Variants in LTBP1 observed in about 807,000 individuals in gnomAD.
LTBP1 encodes latent transforming growth factor beta binding protein 1.
A neutral mutation model predicts 207.6 loss-of-function variants in LTBP1; 129 were observed. That is an observed-to-expected ratio of 0.62 (90% confidence interval 0.54 to 0.72). The LOEUF is 0.72. Among genes scored for constraint, LTBP1 ranks in the 30% least tolerant of loss-of-function variants. LTBP1 has a pLI of 0.00. For synonymous variants in LTBP1, 963 were observed against 833.7 expected, an observed-to-expected ratio of 1.16 and a Z score of -2.67; for missense variants, 2,281 against 2,217.2, an observed-to-expected ratio of 1.03 and a Z score of -0.58.
chr2:33,273,716 C>T lies in LTBP1; in HGVS notation c.2678C>T (p.Pro893Leu). The T allele has an allele frequency of 6.2e-7, 1 of 1,611,852 alleles. No individual in the cohort carries two copies. The highest frequency in any genetic ancestry group is 8.5e-7 in the Non-Finnish European group (1 of 1,178,520). ...ICGAGHCINL[P>L]VRYTCICYEG... ...GGAGCAGGACACTGCATTAACCTAC[C>T]AGTGAGATATACCTGTATATGCTAC... The change falls in exon 16 of 34, where the codon CCA (proline) becomes CTA (leucine). Residue 893 changes from proline to leucine, a missense_variant. By Grantham distance (98) the Pro-to-Leu change is moderately conservative. Transcript: ENST00000404816.
At chr2:33,078,631 G>T (rs915986797) in intron 3 of LTBP1, among the ~76,000 whole-genome samples, 2 of 152,030 alleles carry the variant, frequency 1.3e-5, no homozygotes, top group African/African-American at 4.8e-5. Context: ...TATAATCCAG[G>T]CAGATTTTAT....
intron 12 of LTBP1, 98 bp from the exon 13 acceptor site, chr2:33,259,490 G>C (rs949373341): frequency 1.2e-6 from 1 of 827,874 alleles, no homozygotes; most frequent in African/African-American, 1.7e-5. Flanking sequence ...TAATCCTTTT[G>C]CAGAGATAAT....
intron 15 of LTBP1, 111 bp from the exon 16 acceptor site, chr2:33,273,545 C>G: frequency 1.4e-6 from 1 of 699,102 alleles, no homozygotes; most frequent in Non-Finnish European, 2.2e-6. Flanking sequence ...AAATGTAGAG[C>G]TGGCAATAAT....
intron 7 of LTBP1, among the ~76,000 whole-genome samples, chr2:33,197,064 G>A (rs565641045): frequency 9.2e-5 from 14 of 152,236 alleles, no homozygotes; most frequent in African/African-American, 2.6e-4. Context: ...AAAAAGTTAC[G>A]TTTAGTATTT....
At chr2:33,014,203 T>C (rs1214455376) in intron 2 of LTBP1, among the ~76,000 whole-genome samples, 1 of 152,212 alleles carries the variant, frequency 6.6e-6, no homozygotes, top group Non-Finnish European at 1.5e-5. Context: ...AATTTCATTA[T>C]GTGGAATTCT....
chr2:33,126,179 A>G (rs1476854900), intron 4 of LTBP1, among the ~76,000 whole-genome samples: 3 of 152,038 alleles, frequency 2.0e-5, no homozygotes, highest in African/African-American at 7.2e-5. Flanking sequence ...CAGAAGCCAC[A>G]GTGTCTTTTA....
At chr2:33,057,646 G>A (rs867679319) in intron 3 of LTBP1, among the ~76,000 whole-genome samples, 11 of 152,252 alleles carry the variant, frequency 7.2e-5, no homozygotes, top group South Asian at 2.1e-4. Context: ...GGGACCTGGC[G>A]CACCCTCTGC....
intron 4 of LTBP1, among the ~76,000 whole-genome samples, chr2:33,118,876 G>T (rs1234072121): frequency 6.6e-6 from 1 of 152,144 alleles, no homozygotes; most frequent in Non-Finnish European, 1.5e-5. Context: ...CCCCTGATAG[G>T]CCACACGAAG....
chr2:33,056,480 AG>A, intron 3 of LTBP1: 1 of 833,480 alleles, frequency 1.2e-6, no homozygotes, highest in Admixed American at 2.6e-5. Flanking sequence ...GGAGGTGATG[AG>A]GGATGATGCG....
chr2:33,337,819 T>C (rs1228016791), intron 24 of LTBP1, among the ~76,000 whole-genome samples: 2 of 152,202 alleles, frequency 1.3e-5, no homozygotes, highest in Non-Finnish European at 2.9e-5. Context: ...AATTCAACTT[T>C]AGCAAAAAAG....
intron 7 of LTBP1, among the ~76,000 whole-genome samples, chr2:33,197,893 A>G (rs182999171): frequency 6.6e-6 from 1 of 152,266 alleles, no homozygotes; most frequent in East Asian, 1.9e-4. Flanking sequence ...CAAAAAATTC[A>G]AGTGCTTCAA....
Position 33,174,717 on chromosome 2 carries a change from A to G in LTBP1, c.1202-12139A>G, listed in dbSNP as rs912226599. 5.3e-5 allele frequency among the ~76,000 whole-genome samples: 8 copies of G among 152,150 alleles called. No homozygotes were observed. The East Asian group carries it at 5.8e-4, about 11-fold the overall frequency. On this transcript the variant is annotated intron_variant, in intron 5 of 33. Transcript: ENST00000404816. ...TCGCAAAGTGAATCCTAAGCCAAAA[A>G]AACAAAGCTGGAGGCATCACACTAC...
intron 5 of LTBP1, among the ~76,000 whole-genome samples, chr2:33,164,970 G>A (rs1177939263): frequency 1.3e-5 from 2 of 152,146 alleles, no homozygotes; most frequent in African/African-American, 4.8e-5. Flanking sequence ...AGTGGTGGTG[G>A]GCCTCAAAAT....
chr2:33,207,791 A>G (rs4671010), intron 7 of LTBP1, among the ~76,000 whole-genome samples: 1 of 152,000 alleles, frequency 6.6e-6, no homozygotes, highest in African/African-American at 2.4e-5. Flanking sequence ...TTAATGATCT[A>G]GTACTGGGAC....
chr2:33,224,376 A>C lies in LTBP1; in HGVS notation c.1876+2225A>C, dbSNP rs116369644. ...TTTTCCAGAATGTCAGATGCTCCTA[A>C]TTTCTCTTAATGTCAAATGGATAAA... On this transcript the variant is annotated intron_variant, in intron 9 of 33. Transcript: ENST00000404816. Among the ~76,000 whole-genome samples, 881 of 152,274 alleles carry C rather than the reference A, an allele frequency of 5.8e-3. 13 individuals carry two copies. The highest frequency in any genetic ancestry group is 0.02 in the African/African-American group (842 of 41,550).
At chr2:33,397,674 A>ATT (rs71409616) in intron 33 of LTBP1, among the ~76,000 whole-genome samples, 9 of 117,496 alleles carry the variant, frequency 7.7e-5, no homozygotes, top group African/African-American at 2.2e-4. Flanking sequence ...CACCCGGCTA[A>ATT]TTTTTTTTTT....
intron 3 of LTBP1, among the ~76,000 whole-genome samples, chr2:33,030,307 C>CA (rs2075632850): frequency 6.6e-6 from 1 of 152,156 alleles, no homozygotes; most frequent in Admixed American, 6.5e-5. Flanking sequence ...TGAAAGGAAA[C>CA]ACTCTCCCAA....
intron 20 of LTBP1, among the ~76,000 whole-genome samples, chr2:33,297,182 C>T (rs2093893031): frequency 6.6e-6 from 1 of 152,144 alleles, no homozygotes; most frequent in South Asian, 2.1e-4. Flanking sequence ...ATTACTTCCA[C>T]TTGGCATTTA....
chr2:33,054,444 C>G (rs934874469), intron 3 of LTBP1, among the ~76,000 whole-genome samples: 10 of 152,202 alleles, frequency 6.6e-5, no homozygotes, highest in African/African-American at 2.4e-4. Flanking sequence ...GCCCAGACTT[C>G]AGGGTTGATT....
Sources: gnomAD v4.1 joint callset for allele counts (sites outside exome capture counted in the v4.1 genomes callset) on GRCh38, gnomAD v4.1.1 for gene constraint, MANE v1.5 for transcripts, NCBI Gene and HGNC (gene_info 2026-07-23, HGNC 2026-07-21) for gene names.